Variants in CYP4F2 observed in about 807,000 individuals in gnomAD.
The protein encoded by CYP4F2 is cytochrome P450 4F2.
Under a neutral mutation model 58.9 loss-of-function variants are expected in CYP4F2, and 58 were observed. The observed-to-expected ratio is 0.98, with a 90% CI of 0.80 to 1.23. The LOEUF (loss-of-function observed/expected upper bound fraction) is 1.23. CYP4F2 is among the 50% of genes most tolerant of loss of function. The probability of loss-of-function intolerance (pLI) is 0.00; values close to 1 mark genes in which losing one functional copy is unlikely to be tolerated. For synonymous variants in CYP4F2, 287 were observed against 261.1 expected (o/e 1.10, Z -0.95); for missense variants, 616 against 685.6 (o/e 0.90, Z 1.13).
At chr19:15,892,683 C>G (rs2089424117) in intron 3 of CYP4F2, 101 bp from the exon 4 acceptor site, 2 of 1,524,140 alleles carry the variant, frequency 1.3e-6, no homozygotes, top group Non-Finnish European at 1.8e-6. Flanking sequence ...TTCTCCCACT[C>G]TGAGCCCCAC....
chr19:15,880,921 T>C (rs2089340764), intron 9 of CYP4F2, among the ~76,000 whole-genome samples: 1 of 152,266 alleles, frequency 6.6e-6, no homozygotes, highest in Admixed American at 6.5e-5. Context: ...ATTAAAATTG[T>C]ACAGTGCAAA....
intron 6 of CYP4F2, 101 bp from the exon 7 acceptor site, chr19:15,889,794 G>C: frequency 6.6e-7 from 1 of 1,526,032 alleles, no homozygotes; most frequent in East Asian, 2.3e-5. Flanking sequence ...TCAGTAAACA[G>C]AGTATCCAGG....
At chr19:15,885,326 G>C (rs1424357639) in intron 9 of CYP4F2, among the ~76,000 whole-genome samples, 1 of 152,152 alleles carries the variant, frequency 6.6e-6, no homozygotes, top group African/African-American at 2.4e-5. Flanking sequence ...GTCCTGCCCA[G>C]GGACAGCTCC....
At chr19:15,879,988 C>A (rs770331189) in intron 9 of CYP4F2, 91 bp from the exon 10 acceptor site, 29 of 1,571,898 alleles carry the variant, frequency 1.8e-5, no homozygotes, top group Non-Finnish European at 2.4e-5. Context: ...CCTTTTCTCC[C>A]CGCAATAAAA....
chr19:15,891,497 T>C (rs1251057760), intron 5 of CYP4F2, among the ~76,000 whole-genome samples: 2 of 152,190 alleles, frequency 1.3e-5, no homozygotes, highest in Non-Finnish European at 2.9e-5. Context: ...CGCAAAACCT[T>C]TGCCACAATT....
chr19:15,890,860 T>C (rs2089412209), intron 5 of CYP4F2, among the ~76,000 whole-genome samples: 1 of 152,202 alleles, frequency 6.6e-6, no homozygotes, highest in Non-Finnish European at 1.5e-5. Context: ...TTTCATCATC[T>C]ACCATGGGGC....
At chr19:15,892,688 C>A (rs1018288219) in intron 3 of CYP4F2, 106 bp from the exon 4 acceptor site, 35 of 1,505,978 alleles carry the variant, frequency 2.3e-5, no homozygotes, top group Non-Finnish European at 2.9e-5. Flanking sequence ...CCACTCTGAG[C>A]CCCACATAGC....
intron 9 of CYP4F2, among the ~76,000 whole-genome samples, chr19:15,880,312 T>C (rs986278432): frequency 1.3e-5 from 2 of 152,028 alleles, no homozygotes; most frequent in African/African-American, 4.8e-5. Context: ...AGGCAATATT[T>C]TGCAACCCAA....
At chr19:15,892,505 C>A (rs1568473326) in intron 4 of CYP4F2, 24 bp downstream of exon 4, 2 of 1,614,060 alleles carry the variant, frequency 1.2e-6, no homozygotes, top group Non-Finnish European at 1.7e-6. Context: ...TTTTTCCCAA[C>A]CCTGTTCACC....
rs1187791223 is a variant in CYP4F2 at position 15,878,905 on chromosome 19, C to A, written c.1429G>T (p.Glu477Ter). The change falls in exon 13 of 13, where the codon GAG (glutamate) becomes TAG (stop). Residue 477 changes from glutamate (E) to a stop codon, truncating the protein, a stop_gained. Transcript: ENST00000221700. LOFTEE classifies it high-confidence loss of function. Reference sequence around the variant, plus strand: ...GTGAGCGCCAGGACCACCTTCATCTCCGCCATCGCGAACGTCTGCCCGATG... The same window carrying A: ...GTGAGCGCCAGGACCACCTTCATCTACGCCATCGCGAACGTCTGCCCGATG... ...NCIGQTFAMAEMKVVLALTLL... is the reference protein window; with the variant it reads ...NCIGQTFAMA The A allele has an allele frequency of 6.8e-6, 11 of 1,613,992 alleles. No homozygotes were observed. Among genetic ancestry groups the A allele is most frequent in the Non-Finnish European group, 9.3e-6 (11 of 1,179,960 alleles).
chr19:15,890,097 A>G (rs548016700), intron 6 of CYP4F2, among the ~76,000 whole-genome samples: 4 of 152,200 alleles, frequency 2.6e-5, no homozygotes, highest in Non-Finnish European at 4.4e-5. Flanking sequence ...TACATTAGTC[A>G]GTCCCCTACA....
chr19:15,894,467 G>T (rs3093121), intron 3 of CYP4F2, among the ~76,000 whole-genome samples: 22,935 of 152,128 alleles, frequency 0.15, 1,832 homozygotes, highest in Non-Finnish European at 0.17. Context: ...TGAGGAAAAG[G>T]CCACCTTGAT....
At chr19:15,889,964 T>C (rs1198241500) in intron 6 of CYP4F2, among the ~76,000 whole-genome samples, 5 of 152,188 alleles carry the variant, frequency 3.3e-5, no homozygotes, top group African/African-American at 1.2e-4. Flanking sequence ...TCCCTCCCAG[T>C]ATACAGTCCT....
At chr19:15,884,801 T>C (rs1422778447) in intron 9 of CYP4F2, among the ~76,000 whole-genome samples, 2 of 152,086 alleles carry the variant, frequency 1.3e-5, no homozygotes, top group African/African-American at 2.4e-5. Flanking sequence ...CTGGCTCTGG[T>C]CTCAGAATGT....
At chr19:15,884,655 T>A (rs1419997638) in intron 9 of CYP4F2, among the ~76,000 whole-genome samples, 2 of 152,108 alleles carry the variant, frequency 1.3e-5, no homozygotes, top group Admixed American at 6.6e-5. Flanking sequence ...TGCAGAAAAA[T>A]TATTGGTTTT....
intron 9 of CYP4F2, among the ~76,000 whole-genome samples, chr19:15,881,698 A>G (rs1317521145): frequency 6.6e-6 from 1 of 152,122 alleles, no homozygotes; most frequent in African/African-American, 2.4e-5. Flanking sequence ...CTTATCTGTA[A>G]TATCTCATTT....
rs142113670 is a variant in CYP4F2, at chr19:15,879,413, G to A, written c.1330C>T (p.Arg444Cys). Reference protein sequence around the residue: ...WPDPEVYDPFRFDPENIKERS... With the variant: ...WPDPEVYDPFCFDPENIKERS... ...TCCTTGATGTTCTCTGGGTCAAAGC[G>A]AAAGGGGTCGTAGACCTGGAGGTGA... The change falls in exon 12 of 13, where the codon CGC (arginine) becomes TGC (cysteine). Residue 444 changes from arginine to cysteine, a missense_variant. Transcript: ENST00000221700. 1.5e-4 allele frequency: 242 copies of A among 1,614,176 alleles called. 1 individual carries two copies. The highest frequency in any genetic ancestry group is 5.4e-4 in the South Asian group (49 of 91,076).
intron 2 of CYP4F2, among the ~76,000 whole-genome samples, chr19:15,896,233 G>GCTAT (rs10638260): frequency 0.47 from 69,697 of 148,160 alleles, 16,451 homozygotes; most frequent in East Asian, 0.62. Context: ...TATCCTATTA[G>GCTAT]CTATCTATCT....
chr19:15,880,741 C>T (rs903235413), intron 9 of CYP4F2, among the ~76,000 whole-genome samples: 4 of 151,954 alleles, frequency 2.6e-5, no homozygotes, highest in African/African-American at 4.8e-5. Context: ...AACATCAACA[C>T]GTGAAAGAGA....
Sources: gnomAD v4.1 joint callset for allele counts (sites outside exome capture counted in the v4.1 genomes callset) on GRCh38, gnomAD v4.1.1 for gene constraint, MANE v1.5 for transcripts, NCBI Gene and HGNC (gene_info 2026-07-23, HGNC 2026-07-21) for gene names.